The following SLC60A1 variants were observed in gnomAD, a reference collection of about 807,000 sequenced individuals.
SLC60A1 encodes major facilitator superfamily domain containing 4.
At chr1:205,590,515 C>G in the SLC60A1 span, among the ~76,000 whole-genome samples, 4 of 152,186 alleles carry the variant, frequency 2.6e-5, no homozygotes, top group African/African-American at 4.8e-5. Context: ...CTCTGAGCCT[C>G]GAGACCACCT....
the SLC60A1 span, among the ~76,000 whole-genome samples, chr1:205,597,158 C>G: frequency 1.3e-5 from 2 of 152,182 alleles, no homozygotes; most frequent in Non-Finnish European, 2.9e-5. Context: ...AGGTAGCAGT[C>G]AGAATGGGAA....
chr1:205,587,229 T>G, the SLC60A1 span, among the ~76,000 whole-genome samples: 3 of 152,166 alleles, frequency 2.0e-5, no homozygotes, highest in Non-Finnish European at 4.4e-5. Context: ...TTCCAAGGGG[T>G]TCACTGTCTG....
At chr1:205,580,643 C>A in the SLC60A1 span, 1 of 1,602,668 alleles carries the variant, frequency 6.2e-7, no homozygotes, top group Non-Finnish European at 8.5e-7. This position sits in a 1 kb window ranked among gnomAD's most constrained non-coding sequence, Gnocchi z 5.0. Flanking sequence ...CCACCCGCCA[C>A]CTCTCCTCTG....
At chr1:205,575,996 C>T in the SLC60A1 span, among the ~76,000 whole-genome samples, 4 of 152,180 alleles carry the variant, frequency 2.6e-5, no homozygotes, top group African/African-American at 9.7e-5. Context: ...CCTCTCTTTT[C>T]CCCTATCTGG....
chr1:205,576,867 C>G, the SLC60A1 span, among the ~76,000 whole-genome samples: 1 of 152,156 alleles, frequency 6.6e-6, no homozygotes, highest in Non-Finnish European at 1.5e-5. Flanking sequence ...GGGAACAGGT[C>G]TCCATCGCCC....
At chr1:205,600,473 G>A in the SLC60A1 span, 3 of 1,613,610 alleles carry the variant, frequency 1.9e-6, no homozygotes, top group African/African-American at 4.0e-5. Flanking sequence ...ACTGGGTGAA[G>A]AAGGCAAGAG....
the SLC60A1 span, among the ~76,000 whole-genome samples, chr1:205,589,547 A>G: frequency 0.39 from 59,024 of 152,048 alleles, 11,888 homozygotes; most frequent in Middle Eastern, 0.49. Flanking sequence ...GAAGTAAACG[A>G]CACTTATACA....
At chr1:205,584,854 G>A in the SLC60A1 span, 1 of 1,609,392 alleles carries the variant, frequency 6.2e-7, no homozygotes, top group Non-Finnish European at 8.5e-7. Flanking sequence ...ACTCACCCCT[G>A]TTCTTCCTGT....
chr1:205,601,338 C>T, the SLC60A1 span: 5 of 152,286 alleles, frequency 3.3e-5, no homozygotes, highest in African/African-American at 1.2e-4. Context: ...ATGTTGGTAG[C>T]TTGAAATCAG....
At chr1:205,570,382 G>T in the SLC60A1 span, among the ~76,000 whole-genome samples, 1 of 152,124 alleles carries the variant, frequency 6.6e-6, no homozygotes, top group Admixed American at 6.5e-5. Context: ...CCGGCCTGGA[G>T]AAAAAACCGC....
At chr1:205,586,200 T>A in the SLC60A1 span, 1 of 1,613,314 alleles carries the variant, frequency 6.2e-7, no homozygotes, top group Non-Finnish European at 8.5e-7. Context: ...ATGGTTTTCA[T>A]CAACGTGGTA....
chr1:205,586,089 G>A, the SLC60A1 span: 2 of 1,613,400 alleles, frequency 1.2e-6, no homozygotes, highest in Non-Finnish European at 1.7e-6. Flanking sequence ...CTGTCTGTGG[G>A]ACACAAGGTG....
chr1:205,582,202 AG>A, the SLC60A1 span, among the ~76,000 whole-genome samples: 2 of 152,202 alleles, frequency 1.3e-5, no homozygotes, highest in Non-Finnish European at 2.9e-5. Flanking sequence ...CAGTGTCAGT[AG>A]AACCTCTAGG....
the SLC60A1 span, among the ~76,000 whole-genome samples, chr1:205,595,739 T>G: frequency 6.6e-6 from 1 of 152,232 alleles, no homozygotes; most frequent in Non-Finnish European, 1.5e-5. Flanking sequence ...AGAAAAAATG[T>G]AAAGCTTTTG....
the SLC60A1 span, among the ~76,000 whole-genome samples, chr1:205,593,864 A>G: frequency 3.9e-5 from 6 of 152,220 alleles, no homozygotes; most frequent in Non-Finnish European, 8.8e-5. Flanking sequence ...TTTGCAGTTT[A>G]GAAGACAATT....
chr1:205,588,744 C>G, the SLC60A1 span, among the ~76,000 whole-genome samples: 2 of 152,344 alleles, frequency 1.3e-5, no homozygotes, highest in African/African-American at 4.8e-5. Context: ...TCTCAGCATT[C>G]TCCTGGAGCT....
At chr1:205,569,309 G>T in the SLC60A1 span, 2 of 1,482,836 alleles carry the variant, frequency 1.3e-6, no homozygotes, top group South Asian at 1.3e-5. Flanking sequence ...CGTGAGTGCC[G>T]CGCCCGTGCG....
the SLC60A1 span, among the ~76,000 whole-genome samples, chr1:205,578,314 G>T: frequency 6.6e-6 from 1 of 152,252 alleles, no homozygotes; most frequent in Admixed American, 6.5e-5. Context: ...GGAAAGGGAG[G>T]GGAAAGAGAG....
the SLC60A1 span, chr1:205,592,339 C>A: frequency 6.5e-7 from 1 of 1,543,008 alleles, no homozygotes; most frequent in Non-Finnish European, 8.8e-7. Context: ...TGGGCGCCGC[C>A]GCCTCGCTCT....
Sources: allele counts gnomAD v4.1 joint callset (sites outside exome capture counted in the v4.1 genomes callset), GRCh38; gene constraint gnomAD v4.1.1; non-coding constraint Gnocchi (gnomAD v3.1); transcripts MANE v1.5; gene names NCBI Gene and HGNC (gene_info 2026-07-23, HGNC 2026-07-21).